Variants in KIT observed in about 807,000 individuals in gnomAD.
KIT encodes the protein KIT proto-oncogene, receptor tyrosine kinase.
Under a neutral mutation model 105.7 loss-of-function variants are expected in KIT, and 16 were observed. That is an observed-to-expected ratio of 0.15 (90% confidence interval 0.10 to 0.23). The LOEUF (loss-of-function observed/expected upper bound fraction) is 0.23. KIT is among the 10% of genes least tolerant of loss of function. The pLI is 1.00. For synonymous variants in KIT, 438 were observed against 441.1 expected (o/e 0.99, Z 0.09); for missense variants, 858 against 1,213.8 (o/e 0.71, Z 4.36).
chr4:54,729,548 G>T, intron 14 of KIT, 63 bp downstream of exon 14: 1 of 1,516,404 alleles, frequency 6.6e-7, no homozygotes, highest in Non-Finnish European at 9.1e-7. Context: ...ATAAGGGTTT[G>T]CAATCAAGGC....
At chr4:54,678,942 C>T (rs1718712469) in intron 1 of KIT, among the ~76,000 whole-genome samples, 1 of 151,636 alleles carries the variant, frequency 6.6e-6, no homozygotes, top group Admixed American at 6.6e-5. Context: ...ATGACCCCCT[C>T]CCCCACCTTT....
At chr4:54,658,130 C>T in intron 1 of KIT, 49 bp downstream of exon 1, 1 of 1,590,028 alleles carries the variant, frequency 6.3e-7, no homozygotes, top group Non-Finnish European at 8.6e-7. Context: ...TCGGCGAAGC[C>T]TGTGCCTGGG....
chr4:54,708,082 G>C (rs1216645234), intron 6 of KIT, among the ~76,000 whole-genome samples: 1 of 152,134 alleles, frequency 6.6e-6, no homozygotes, highest in African/African-American at 2.4e-5. Flanking sequence ...AAATTTGGGA[G>C]GTCTCCAGGT....
chr4:54,698,974 T>C (rs1720270825), intron 3 of KIT, among the ~76,000 whole-genome samples: 1 of 152,248 alleles, frequency 6.6e-6, no homozygotes, highest in Non-Finnish European at 1.5e-5. Flanking sequence ...AGCTGATCAA[T>C]TGCAATGCAT....
rs2109704946 is a variant in KIT, at chr4:54,707,115, A to G, written c.943A>G (p.Ile315Val). The change falls in exon 6 of 21, where the codon ATC becomes GTC. Residue 315 changes from isoleucine to valine, a missense_variant. By Grantham distance (29) the Ile-to-Val change is conservative. Around this residue, in one of 7 missense-constraint regions of KIT, gnomAD observed 401 missense variants for 601.0 expected, o/e 0.67. Transcript: ENST00000288135. ...LEVVDKGFIN[I>V]FPMINTTVFV... Reference sequence around the variant, plus strand: ...CTAATTAGATAAAGGATTCATTAATATCTTCCCCATGATAAACACTACAGT... The same window carrying G: ...CTAATTAGATAAAGGATTCATTAATGTCTTCCCCATGATAAACACTACAGT... 6.5e-7 allele frequency: 1 copy of G among 1,540,186 alleles called. No homozygotes were observed. Among genetic ancestry groups the G allele is most frequent in the Non-Finnish European group, 9.0e-7 (1 of 1,113,108 alleles).
Position 54,733,013 on chromosome 4 carries a change from A to T in KIT, c.2362-57A>T, listed in dbSNP as rs566837331. On this transcript the variant is annotated intron_variant, in intron 16 of 20. Transcript: ENST00000288135. ...CTATAGTATTAAAAAGTTAGTTTTCACTCTTTACAAGTTAAAATGAATTTA... is the reference window on the plus strand; with the variant it reads ...CTATAGTATTAAAAAGTTAGTTTTCTCTCTTTACAAGTTAAAATGAATTTA... The T allele has an allele frequency of 3.1e-4, 466 of 1,499,750 alleles. 9 individuals are homozygous for T. The South Asian group carries it at 5.0e-3, about 16-fold the overall frequency. The allele number at this position is 1,499,750 out of a possible 1,614,324, so 92.9% of individuals were successfully genotyped here. A position where few individuals can be genotyped will look rare whatever the true frequency, so the allele number is the denominator to read the frequency against.
intron 7 of KIT, among the ~76,000 whole-genome samples, chr4:54,718,362 G>C (rs1036186679): frequency 6.6e-6 from 1 of 152,178 alleles, no homozygotes; most frequent in Admixed American, 6.5e-5. Flanking sequence ...TTACAAGCGT[G>C]AGCCACTGCA....
chr4:54,723,817 T>G lies in KIT; in HGVS notation c.1346+119T>G, dbSNP rs1722050132. 4 of 744,462 alleles carry G rather than the reference T, an allele frequency of 5.4e-6. No individual in the cohort carries two copies. In the African/African-American group the frequency reaches 7.0e-5, roughly 13 times the overall value. The allele number at this position is 744,462 out of a possible 1,614,324, so 46.1% of individuals were successfully genotyped here. A position where few individuals can be genotyped will look rare whatever the true frequency, so the allele number is the denominator to read the frequency against. ...AAGCTTTGTTTTGATTATTGTTTTTTTTCTAGCCATGTGGCTTTTTAGAAG... is the reference window on the plus strand; with the variant it reads ...AAGCTTTGTTTTGATTATTGTTTTTGTTCTAGCCATGTGGCTTTTTAGAAG... On this transcript the variant is annotated intron_variant, in intron 8 of 20. Coordinates refer to ENST00000288135, the MANE Select transcript of KIT (RefSeq NM_000222.3).
intron 1 of KIT, among the ~76,000 whole-genome samples, chr4:54,668,380 C>G (rs1280390341): frequency 1.3e-5 from 2 of 152,210 alleles, no homozygotes; most frequent in Middle Eastern, 6.3e-3. Context: ...TTCTCCTTTA[C>G]CTTGTATTTT....
At chr4:54,732,977 T>C in intron 16 of KIT, 93 bp from the exon 17 acceptor site, 1 of 1,061,624 alleles carries the variant, frequency 9.4e-7, no homozygotes, top group Non-Finnish European at 1.4e-6. Context: ...TTTTTTATAA[T>C]ATAAGCAACA....
At chr4:54,729,051 G>T (rs1722418947) in intron 13 of KIT, among the ~76,000 whole-genome samples, 1 of 152,166 alleles carries the variant, frequency 6.6e-6, no homozygotes, top group Non-Finnish European at 1.5e-5. Context: ...TAGAATCTTT[G>T]AAAGCAGTAA....
rs1720839223 is a variant in KIT, at chr4:54,707,137, C to G, written c.965C>G (p.Thr322Arg). 6.4e-7 allele frequency: 1 copy of G among 1,571,394 alleles called. No homozygotes were observed. The highest frequency in any genetic ancestry group is 1.7e-5 in the Admixed American group (1 of 59,896). Residue 322 changes from threonine to arginine, a missense_variant, in exon 6 of 21, where the codon ACA becomes AGA. Around this residue, in one of 7 missense-constraint regions of KIT, gnomAD observed 401 missense variants for 601.0 expected, o/e 0.67. Transcript: ENST00000288135. ...AATATCTTCCCCATGATAAACACTACAGTATTTGTAAACGATGGAGAAAAT... is the reference window on the plus strand; with the variant it reads ...AATATCTTCCCCATGATAAACACTAGAGTATTTGTAAACGATGGAGAAAAT... ...FINIFPMINT[T>R]VFVNDGENVD...
chr4:54,708,920 A>G (rs570199002), intron 6 of KIT, among the ~76,000 whole-genome samples: 1 of 152,308 alleles, frequency 6.6e-6, no homozygotes, highest in South Asian at 2.1e-4. Context: ...AGCACTGAGA[A>G]GTCTCCGGGG....
In KIT at chr4:54,740,145, C is replaced by T. The variant is rs1313256153; in HGVS notation, c.*1588C>T. On this transcript the variant is annotated 3_prime_UTR_variant, in exon 21 of 21. Coordinates refer to ENST00000288135, the MANE Select transcript of KIT (RefSeq NM_000222.3). ...TCAGGTATGTTGCCTTTATGGTTTC[C>T]CCCTTCTACATTTCTTAGACTACAT... 4 of 233,416 alleles carry T rather than the reference C, an allele frequency of 1.7e-5. No homozygotes were observed. The highest frequency in any genetic ancestry group is 3.4e-5 in the Non-Finnish European group (4 of 117,978). 14.5% of individuals were successfully genotyped at this position (233,416 alleles called of 1,614,324 possible).
chr4:54,686,452 C>T (rs548253574), intron 1 of KIT, among the ~76,000 whole-genome samples: 1 of 152,304 alleles, frequency 6.6e-6, no homozygotes, highest in South Asian at 2.1e-4. Flanking sequence ...GAACTGGTTT[C>T]TCAGGCCTGG....
chr4:54,722,630 G>T (rs899164287), intron 7 of KIT, among the ~76,000 whole-genome samples: 6 of 151,696 alleles, frequency 4.0e-5, no homozygotes, highest in Admixed American at 3.9e-4. Flanking sequence ...ATTCTTAGAG[G>T]GTTGGAATCC....
At chr4:54,659,417 C>T (rs1029623189) in intron 1 of KIT, among the ~76,000 whole-genome samples, 3 of 152,146 alleles carry the variant, frequency 2.0e-5, no homozygotes, top group Admixed American at 6.5e-5. Context: ...TTTAAGGTTA[C>T]CCTGATGATG....
intron 1 of KIT, among the ~76,000 whole-genome samples, chr4:54,665,321 A>G (rs1029743242): frequency 3.3e-5 from 5 of 152,214 alleles, no homozygotes; most frequent in African/African-American, 9.6e-5. Context: ...ACAATGCTGT[A>G]ATGAACATTT....
intron 7 of KIT, among the ~76,000 whole-genome samples, chr4:54,715,799 C>T (rs971160574): frequency 2.0e-5 from 3 of 152,114 alleles, no homozygotes; most frequent in South Asian, 4.1e-4. Flanking sequence ...ATGGCTTCAC[C>T]TGTTTGCCAG....
Sources: gnomAD v4.1 joint callset for allele counts (sites outside exome capture counted in the v4.1 genomes callset) on GRCh38, gnomAD v4.1.1 for gene constraint, gnomAD v4.1.1 regional missense constraint, MANE v1.5 for transcripts, NCBI Gene and HGNC (gene_info 2026-07-23, HGNC 2026-07-21) for gene names.